UPF2: variants seen among roughly 807,000 people sequenced by gnomAD.
UPF2 encodes the protein regulator of nonsense transcripts 2.
Under a neutral mutation model 141.4 loss-of-function variants are expected in UPF2, and 17 were observed. The observed-to-expected ratio is 0.12, with a 90% CI of 0.08 to 0.18. UPF2 has a LOEUF of 0.18. UPF2 is among the 10% of genes least tolerant of loss of function. UPF2 has a pLI of 1.00. For missense variants in UPF2, 1,152 were observed against 1,515.9 expected (o/e 0.76, Z 3.99); for synonymous variants, 540 against 498.0 (o/e 1.08, Z -1.12).
intron 3 of UPF2, among the ~76,000 whole-genome samples, chr10:12,025,681 G>A (rs1294082416): frequency 6.6e-6 from 1 of 152,006 alleles, no homozygotes; most frequent in Non-Finnish European, 1.5e-5. Context: ...AGTTTCTAAG[G>A]AAAAGCCACA....
chr10:11,996,437 T>A (rs943880501), intron 8 of UPF2, among the ~76,000 whole-genome samples: 4 of 151,990 alleles, frequency 2.6e-5, no homozygotes, highest in African/African-American at 7.2e-5. Flanking sequence ...AACCTCCGCC[T>A]CCTGGGTTCA....
chr10:11,948,252 A>C, intron 16 of UPF2, 117 bp downstream of exon 16: 2 of 900,594 alleles, frequency 2.2e-6, no homozygotes, highest in Admixed American at 3.7e-5. Flanking sequence ...TGTCTCAAAA[A>C]AAAAAAAAAA....
At chr10:11,973,728 T>G (rs1833457904) in intron 9 of UPF2, among the ~76,000 whole-genome samples, 2 of 152,234 alleles carry the variant, frequency 1.3e-5, no homozygotes, top group African/African-American at 4.8e-5. Context: ...GGCTCTGTTC[T>G]GTTCCATTGG....
intron 8 of UPF2, among the ~76,000 whole-genome samples, chr10:11,994,336 T>A (rs1408654791): frequency 3.9e-5 from 6 of 152,164 alleles, no homozygotes; most frequent in Non-Finnish European, 5.9e-5. Context: ...AATCTTTATG[T>A]CCTGAGATGA....
chr10:11,980,453 C>T lies in UPF2; in HGVS notation c.1845-1288G>A, dbSNP rs971617864. Among the ~76,000 whole-genome samples, 3 of 152,088 alleles carry T rather than the reference C, an allele frequency of 2.0e-5. No homozygotes were observed. Among genetic ancestry groups the T allele is most frequent in the Admixed American group, 6.6e-5 (1 of 15,264 alleles). On this transcript the variant is annotated intron_variant, in intron 8 of 21. Coordinates refer to ENST00000357604, the MANE Select transcript of UPF2 (RefSeq NM_015542.4). This position sits in a 1 kb window ranked among gnomAD's most constrained non-coding sequence, Gnocchi z 4.2. ...AAATAATCATACGAGTCTTAATTAT[C>T]GCTGAGTGGAGGCCGGGCACGGTGG... is the stretch of plus-strand genomic sequence containing the variant.
chr10:11,999,326 A>G (rs1336867164), intron 7 of UPF2, among the ~76,000 whole-genome samples: 1 of 152,040 alleles, frequency 6.6e-6, no homozygotes, highest in Non-Finnish European at 1.5e-5. Flanking sequence ...AGCCCAGCCA[A>G]TATGATGAAA....
In UPF2 at chr10:11,955,140, T is replaced by C. The variant is rs1045329516; in HGVS notation, c.2850+92A>G. 1.4e-5 allele frequency: 17 copies of C among 1,220,022 alleles called. No homozygotes were observed. In the African/African-American group the frequency reaches 2.3e-4, roughly 16 times the overall value. The allele number at this position is 1,220,022 out of a possible 1,614,324, so 75.6% of individuals were successfully genotyped here. ...TAATTATGAACATATATATAATATA[T>C]GAATACCATAACGTTTCTTCTCTCA... On this transcript the variant is annotated intron_variant, in intron 14 of 21. Coordinates refer to ENST00000357604, the MANE Select transcript of UPF2 (RefSeq NM_015542.4).
chr10:11,977,265 G>T (rs1833520349), intron 9 of UPF2, among the ~76,000 whole-genome samples: 1 of 152,188 alleles, frequency 6.6e-6, no homozygotes, highest in Non-Finnish European at 1.5e-5. Context: ...ATTTAAGGAT[G>T]TGAGTGGTGA....
chr10:11,934,062 T>C (rs1832813505), intron 19 of UPF2, among the ~76,000 whole-genome samples: 1 of 152,136 alleles, frequency 6.6e-6, no homozygotes, highest in African/African-American at 2.4e-5. Flanking sequence ...CTTTAGAAAC[T>C]GTGTGCCAAG....
At chr10:12,026,329 A>C (rs1212084302) in intron 3 of UPF2, among the ~76,000 whole-genome samples, 1 of 152,214 alleles carries the variant, frequency 6.6e-6, no homozygotes, top group Non-Finnish European at 1.5e-5. Context: ...CAAGGTAGCT[A>C]TAAAAACTAA....
chr10:11,930,217 A>G (rs1832766162), intron 20 of UPF2, among the ~76,000 whole-genome samples: 1 of 152,210 alleles, frequency 6.6e-6, no homozygotes, highest in African/African-American at 2.4e-5. Context: ...TAGCCACCAC[A>G]TAGCTATATT....
At chr10:11,928,695 C>G (rs2131149237) in intron 21 of UPF2, 1 of 358,456 alleles carries the variant, frequency 2.8e-6, no homozygotes, top group Non-Finnish European at 5.4e-6. Context: ...GGCGACAGAG[C>G]CAGACTCCGC....
rs117676808 is a variant in UPF2 at position 11,972,105 on chromosome 10, A to G, written c.1954-4651T>C. On this transcript the variant is annotated intron_variant, in intron 9 of 21. Transcript: ENST00000357604. ...AAACACACAAAAAAACACTCTTCAG[A>G]TATGTCAACACACATGAACTGTAAG... 5.9e-3 allele frequency among the ~76,000 whole-genome samples: 891 copies of G among 151,844 alleles called. 7 individuals carry two copies. The highest frequency in any genetic ancestry group is 0.019 in the South Asian group (91 of 4,818).
chr10:12,033,531 T>C (rs1038028287), intron 2 of UPF2, among the ~76,000 whole-genome samples: 1 of 152,142 alleles, frequency 6.6e-6, no homozygotes, highest in African/African-American at 2.4e-5. Flanking sequence ...TGAGCTCTTG[T>C]TATGTTACCA....
At chr10:11,926,508 C>G (rs748257448) in intron 21 of UPF2, among the ~76,000 whole-genome samples, 2 of 152,194 alleles carry the variant, frequency 1.3e-5, no homozygotes, top group Non-Finnish European at 2.9e-5. Context: ...GTGTCAGCAG[C>G]AGGAGCCACA....
chr10:11,961,394 A>G (rs2131197231), intron 11 of UPF2, among the ~76,000 whole-genome samples: 1 of 152,122 alleles, frequency 6.6e-6, no homozygotes. Context: ...GAAGGATAAC[A>G]AAGGCTGAAG....
At chr10:12,001,616 G>A in intron 6 of UPF2, 60 bp downstream of exon 6, 1 of 1,458,968 alleles carries the variant, frequency 6.9e-7, no homozygotes, top group Non-Finnish European at 9.2e-7. Context: ...TATATTCTTA[G>A]GCAAGAGCTC....
Position 11,979,524 on chromosome 10 carries a change from T to TCAAGGTAACACAAA in UPF2, c.1845-360_1845-359insTTTGTGTTACCTTG, listed in dbSNP as rs1833558412. ...GCATATTTACAAATCTCAAGGTAAC[T>TCAAGGTAACACAAA]TCTCTAGTGCAAGACAAAATCCTTT... is the stretch of plus-strand genomic sequence containing the variant. On this transcript the variant is annotated intron_variant, in intron 8 of 21. Transcript: ENST00000357604. This position sits in a 1 kb window ranked among gnomAD's most constrained non-coding sequence, Gnocchi z 6.2. 6.6e-6 allele frequency among the ~76,000 whole-genome samples: 1 copy of TCAAGGTAACACAAA among 152,204 alleles called. No homozygotes were observed. Among genetic ancestry groups the TCAAGGTAACACAAA allele is most frequent in the South Asian group, 2.1e-4 (1 of 4,832 alleles).
intron 9 of UPF2, among the ~76,000 whole-genome samples, chr10:11,975,589 A>C (rs1318815588): frequency 6.6e-6 from 1 of 151,016 alleles, no homozygotes; most frequent in Non-Finnish European, 1.5e-5. Flanking sequence ...GCTCACTGCA[A>C]CCTCCACCTC....
Sources: allele counts gnomAD v4.1 joint callset (sites outside exome capture counted in the v4.1 genomes callset), GRCh38; gene constraint gnomAD v4.1.1; non-coding constraint Gnocchi (gnomAD v3.1); transcripts MANE v1.5; gene names NCBI Gene and HGNC (gene_info 2026-07-23, HGNC 2026-07-21).